TGM1: variants seen among roughly 807,000 people sequenced by gnomAD.
The protein encoded by TGM1 is transglutaminase 1, also known as protein-glutamine gamma-glutamyltransferase K.
In TGM1, 63 loss-of-function variants were observed where a neutral mutation model predicts 88.7. The ratio of observed to expected loss-of-function variants is 0.71; its 90% confidence interval spans 0.58 to 0.88. The LOEUF is 0.88. TGM1 is among the 40% of genes least tolerant of loss of function. The pLI, the probability that TGM1 is intolerant of heterozygous loss-of-function variation, is 0.00. For synonymous variants in TGM1, 415 were observed against 431.1 expected, an observed-to-expected ratio of 0.96 and a Z score of 0.46; for missense variants, 996 against 1,118.0, an observed-to-expected ratio of 0.89 and a Z score of 1.56.
At chr14:24,260,956 A>G (rs950261866) in intron 3 of TGM1, among the ~76,000 whole-genome samples, 6 of 152,148 alleles carry the variant, frequency 3.9e-5, no homozygotes, top group Admixed American at 2.6e-4. Flanking sequence ...TGGGGAGGAG[A>G]GACGAGGGCT....
At chr14:24,253,075 T>A (rs2040714842) in intron 14 of TGM1, among the ~76,000 whole-genome samples, 1 of 152,206 alleles carries the variant, frequency 6.6e-6, no homozygotes, top group African/African-American at 2.4e-5. Context: ...GAACTGCTAC[T>A]TGGCCCTCAT....
In TGM1 at chr14:24,259,228, C is replaced by T; in HGVS notation, c.1006G>A (p.Gly336Arg). 2 of 1,613,452 alleles carry T rather than the reference C, an allele frequency of 1.2e-6. No individual in the cohort carries two copies. The highest frequency in any genetic ancestry group is 1.7e-6 in the Non-Finnish European group (2 of 1,179,722). Residue 336 changes from glycine to arginine, a missense_variant, in exon 7 of 15, where the codon GGA (glycine) becomes AGA (arginine). Coordinates refer to ENST00000206765, the MANE Select transcript of TGM1 (RefSeq NM_000359.3). This position sits in a 1 kb window ranked among gnomAD's most constrained non-coding sequence, Gnocchi z 5.7. Reference protein sequence around the residue: ...SAMVNSLDDNGVLIGNWSGDY... With the variant: ...SAMVNSLDDNRVLIGNWSGDY... The stretch of plus-strand genomic sequence containing the variant: ...CCAGACCAGTTCCCAATCAGGACTC[C>T]ATTGTCATCCAGGGAGTTCACCTGC...
Position 24,255,025 on chromosome 14 carries a change from C to T in TGM1, c.1874G>A (p.Ser625Asn), listed in dbSNP as rs1255046845. ...CTTGGTCTCCTTGAAGATGGTACCA[C>T]TGACACCAGTATAGAAAGTGACTGA... ...YLSVTFYTGV[S>N]GTIFKETKKE... is the part of the protein sequence containing the mutation. Residue 625 changes from serine (S) to asparagine (N), a missense_variant, in exon 12 of 15, where the codon AGT becomes AAT. Physicochemically the swap from Ser to Asn is conservative, Grantham distance 46. Coordinates refer to ENST00000206765, the MANE Select transcript of TGM1 (RefSeq NM_000359.3). This position sits in a 1 kb window ranked among gnomAD's most constrained non-coding sequence, Gnocchi z 4.0. The T allele has an allele frequency of 6.2e-7, 1 of 1,613,958 alleles. No individual in the cohort carries two copies. Among genetic ancestry groups the T allele is most frequent in the African/African-American group, 1.3e-5 (1 of 74,930 alleles).
rs531627924 is a variant in TGM1 at position 24,255,580 on chromosome 14, C to T, written c.1492-63G>A. On this transcript the variant is annotated intron_variant, in intron 10 of 14. Coordinates refer to ENST00000206765, the MANE Select transcript of TGM1 (RefSeq NM_000359.3). This position sits in a 1 kb window ranked among gnomAD's most constrained non-coding sequence, Gnocchi z 4.0. Reference sequence around the variant, plus strand: ...GAGGGTCTGAGGGTGGCCTGACTCCCGGCCTCCTTCCCCTGATCCCAGGAG... The same window carrying T: ...GAGGGTCTGAGGGTGGCCTGACTCCTGGCCTCCTTCCCCTGATCCCAGGAG... 2.1e-5 allele frequency: 34 copies of T among 1,600,298 alleles called. No homozygotes were observed. The Admixed American group carries it at 3.2e-4, about 15-fold the overall frequency.
At chr14:24,261,442 G>T (rs2040807726) in intron 3 of TGM1, among the ~76,000 whole-genome samples, 1 of 152,176 alleles carries the variant, frequency 6.6e-6, no homozygotes, top group South Asian at 2.1e-4. Flanking sequence ...AGGCACCGAG[G>T]CAGGCCCTGA....
Position 24,249,878 on chromosome 14 carries a change from A to T in TGM1, c.2226-337T>A, listed in dbSNP as rs564315125. On this transcript the variant is annotated intron_variant, in intron 14 of 14. Transcript: ENST00000206765. ...CACCACTGCTCCTGCCCCAGACAGA[A>T]CATCCTCATCTCACCTGGGGTTTCC... Among the ~76,000 whole-genome samples the T allele has an allele frequency of 2.0e-4, 30 of 152,292 alleles. 1 individual carries two copies. The highest frequency in any genetic ancestry group is 3.5e-4 in the Non-Finnish European group (24 of 68,030).
intron 7 of TGM1, 62 bp from the exon 8 acceptor site, chr14:24,258,735 A>C (rs2040779905): frequency 6.2e-7 from 1 of 1,603,838 alleles, no homozygotes; most frequent in African/African-American, 1.3e-5. Context: ...GCATCGTGTC[A>C]GGAGTATCAG....
intron 14 of TGM1, among the ~76,000 whole-genome samples, chr14:24,253,180 GA>G (rs1165505337): frequency 6.6e-6 from 1 of 152,240 alleles, no homozygotes; most frequent in Admixed American, 6.5e-5. Context: ...GAGACCATAT[GA>G]GATGTGACCG....
At position 24,259,300 on chromosome 14, in the gene TGM1, C is replaced by T. The variant is rs1287268993; in HGVS notation, c.985-51G>A. On this transcript the variant is annotated intron_variant, in intron 6 of 14. Transcript: ENST00000206765. This position sits in a 1 kb window ranked among gnomAD's most constrained non-coding sequence, Gnocchi z 5.7. ...CGGAGGTGGAGGAGGGGCTCAGGAC[C>T]TGCCATGTGGTCCATGGGGACCAGC... 4 of 1,556,284 alleles carry T rather than the reference C, an allele frequency of 2.6e-6. No homozygotes were observed. Among genetic ancestry groups the T allele is most frequent in the Non-Finnish European group, 2.6e-6 (3 of 1,143,686 alleles).
chr14:24,253,620 A>T (rs1020480439), intron 14 of TGM1, among the ~76,000 whole-genome samples: 2 of 152,158 alleles, frequency 1.3e-5, no homozygotes, highest in African/African-American at 2.4e-5. Flanking sequence ...CTGGGACAAC[A>T]GGCGCACAGC....
intron 8 of TGM1, 54 bp from the exon 9 acceptor site, chr14:24,258,442 A>C (rs1356035631): frequency 6.2e-7 from 1 of 1,612,726 alleles, no homozygotes; most frequent in African/African-American, 1.3e-5. Flanking sequence ...AGGAGTCCTC[A>C]GTTTCCCCAG....
At chr14:24,250,179 T>TGTGTGTGTGTGTGTGTGAGAGA (rs138497842) in intron 14 of TGM1, among the ~76,000 whole-genome samples, 62 of 140,804 alleles carry the variant, frequency 4.4e-4, no homozygotes, top group African/African-American at 1.6e-3. Flanking sequence ...TGTGTGTGTG[T>TGTGTGTGTGTGTGTGTGAGAGA]GAGAGAGACA....
rs1594574327 is a variant in TGM1 at position 24,262,065 on chromosome 14, A to G, written c.288T>C (p.Gly96=). The change falls in exon 2 of 15, where the codon GGT becomes GGC. Residue 96 remains glycine, a synonymous_variant. Transcript: ENST00000206765. ...DSRRPVSRGS[G]VNAAGDGTIR... is the part of the protein sequence containing the mutation. ...TGGTGCCATCTCCAGCTGCATTGAC[A>G]CCGCTGCCCCGGGATACAGGCCGGC... 6.2e-7 allele frequency: 1 copy of G among 1,613,464 alleles called. No homozygotes were observed. Among genetic ancestry groups the G allele is most frequent in the Non-Finnish European group, 8.5e-7 (1 of 1,180,000 alleles).
At position 24,254,205 on chromosome 14, in the gene TGM1, G is replaced by A. The variant is rs761465837; in HGVS notation, c.2172C>T (p.Val724=). 2.9e-5 allele frequency: 46 copies of A among 1,613,834 alleles called. 1 individual carries two copies. In the South Asian group the frequency reaches 3.3e-4, roughly 12 times the overall value. The change falls in exon 14 of 15, where the codon GTC becomes GTT. Residue 724 remains valine, a synonymous_variant. Transcript: ENST00000206765. ...ACCCAGAGCCTTCGAGCCGGAAGAC[G>A]ACATTGGTGAGGGTGACGGGAAGGG... The part of the protein sequence containing the change: ...KNPLPVTLTN[V]VFRLEGSGLQ...
In TGM1 at chr14:24,259,201, C is replaced by T. The variant is rs565588144; in HGVS notation, c.1033G>A (p.Asp345Asn). 26 of 1,614,018 alleles carry T rather than the reference C, an allele frequency of 1.6e-5. No individual in the cohort carries two copies. The highest frequency in any genetic ancestry group is 1.0e-4 in the Admixed American group (6 of 59,992). Residue 345 changes from aspartate to asparagine, a missense_variant, in exon 7 of 15, where the codon GAT (aspartate) becomes AAT (asparagine). Asp to Asn is a conservative substitution (Grantham distance 23). Coordinates refer to ENST00000206765, the MANE Select transcript of TGM1 (RefSeq NM_000359.3). This position sits in a 1 kb window ranked among gnomAD's most constrained non-coding sequence, Gnocchi z 5.7. ...GATGGGTTGGTGCCTCGGGAGTAAT[C>T]ACCAGACCAGTTCCCAATCAGGACT... ...NGVLIGNWSGDYSRGTNPSAW... is the reference protein window; with the variant it reads ...NGVLIGNWSGNYSRGTNPSAW...
intron 14 of TGM1, among the ~76,000 whole-genome samples, chr14:24,250,851 T>C (rs2139015281): frequency 6.6e-6 from 1 of 152,338 alleles, no homozygotes; most frequent in Admixed American, 6.5e-5. Flanking sequence ...TTACCTCTGG[T>C]GCCCTATTCA....
rs1566381437 is a variant in TGM1 at position 24,262,202 on chromosome 14, A to G, written c.151T>C (p.Cys51Arg). The change falls in exon 2 of 15, where the codon TGT becomes CGT. Residue 51 changes from cysteine to arginine, a missense_variant. Coordinates refer to ENST00000206765, the MANE Select transcript of TGM1 (RefSeq NM_000359.3). Reference protein sequence around the residue: ...RSFWARCCGCCSCRNAADDDW... With the variant: ...RSFWARCCGCRSCRNAADDDW... ...TCATCTGCCGCATTTCGGCATGAAC[A>G]GCAGCCACAGCAGCGAGCCCAGAAG... 1.2e-6 allele frequency: 2 copies of G among 1,613,626 alleles called. No individual in the cohort carries two copies. The highest frequency in any genetic ancestry group is 1.7e-6 in the Non-Finnish European group (2 of 1,180,050).
intron 4 of TGM1, 55 bp downstream of exon 4, chr14:24,260,395 C>A (rs1385661709): frequency 6.2e-7 from 1 of 1,611,794 alleles, no homozygotes; most frequent in Non-Finnish European, 8.5e-7. Context: ...GGGCAGGAAG[C>A]CCTTCCCTGT....
In TGM1 at chr14:24,262,271, C is replaced by A. The variant is rs760012789; in HGVS notation, c.82G>T (p.Glu28Ter). ...QPPTTPSPEP[E>*]PEPDGRSRRG... ...CGAGAGCGTCCGTCTGGCTCTGGCT[C>A]TGGCTCTGGAGATGGCGTGGTAGGG... Residue 28 changes from glutamate (E) to a stop codon, truncating the protein, a stop_gained, in exon 2 of 15, where the codon GAG becomes TAG. Transcript: ENST00000206765. LOFTEE classifies it high-confidence loss of function. 1 of 1,613,820 alleles carries A rather than the reference C, an allele frequency of 6.2e-7. No individual in the cohort carries two copies.
Sources: allele counts gnomAD v4.1 joint callset (sites outside exome capture counted in the v4.1 genomes callset), GRCh38; gene constraint gnomAD v4.1.1; non-coding constraint Gnocchi (gnomAD v3.1); transcripts MANE v1.5; gene names NCBI Gene and HGNC (gene_info 2026-07-23, HGNC 2026-07-21).